ERCC3: variants seen among roughly 807,000 people sequenced by gnomAD.
ERCC3 encodes general transcription and DNA repair factor IIH helicase/translocase subunit XPB.
ERCC3 carries 66 observed loss-of-function variants against 94.2 expected under a neutral mutation model. That is an observed-to-expected ratio of 0.70 (90% CI 0.57 to 0.86). The LOEUF is 0.86. Ranked by LOEUF, ERCC3 falls within the 40% of genes least tolerant of loss-of-function variation. The pLI, the probability that ERCC3 is intolerant of heterozygous loss-of-function variation, is 0.00. For missense variants in ERCC3, 829 were observed against 987.1 expected (o/e 0.84, Z 2.15); for synonymous variants, 349 against 369.1 (o/e 0.95, Z 0.63).
rs1157880007 is a variant in ERCC3, at chr2:127,274,002, C to T, written c.1731-1041G>A. Among the ~76,000 whole-genome samples, 1 of 150,734 alleles carries T rather than the reference C, an allele frequency of 6.6e-6. No individual in the cohort carries two copies. Among genetic ancestry groups the T allele is most frequent in the Non-Finnish European group, 1.5e-5 (1 of 67,660 alleles). ...GGACCTACCAACACCAGGCATTGAG[C>T]TGAGTATTACATTAAAAAAAAAAAA... is the stretch of plus-strand genomic sequence containing the variant. On this transcript the variant is annotated intron_variant, in intron 10 of 14. Transcript: ENST00000285398. This position sits in a 1 kb window ranked among gnomAD's most constrained non-coding sequence, Gnocchi z 4.0.
Position 127,279,212 on chromosome 2 carries a change from T to A in ERCC3, c.1691A>T (p.Asn564Ile). 1 of 1,613,820 alleles carries A rather than the reference T, an allele frequency of 6.2e-7. No homozygotes were observed. The highest frequency in any genetic ancestry group is 8.5e-7 in the Non-Finnish European group (1 of 1,179,684). The change falls in exon 10 of 15, where the codon AAT becomes ATT. Residue 564 changes from asparagine (N) to isoleucine (I), a missense_variant. By Grantham distance (149) the Asn-to-Ile change is moderately radical. Transcript: ENST00000285398. This position sits in a 1 kb window ranked among gnomAD's most constrained non-coding sequence, Gnocchi z 4.7. ...RNDKIIVFAD[N>I]VFALKEYAIR... Reference sequence around the variant, plus strand: ...GGCATATTCCTTTAGGGCAAACACATTGTCAGCAAAGACAATAATCTTGTC... The same window carrying A: ...GGCATATTCCTTTAGGGCAAACACAATGTCAGCAAAGACAATAATCTTGTC...
intron 10 of ERCC3, among the ~76,000 whole-genome samples, chr2:127,273,324 A>G (rs1033223208): frequency 6.6e-6 from 1 of 152,198 alleles, no homozygotes; most frequent in South Asian, 2.1e-4. Flanking sequence ...GCTATTTCCA[A>G]AAAAAGGCTG....
chr2:127,268,421 G>C, intron 12 of ERCC3, among the ~76,000 whole-genome samples: 1 of 151,966 alleles, frequency 6.6e-6, no homozygotes, highest in African/African-American at 2.4e-5. Context: ...ACCACACCCA[G>C]CTAGCTAATT....
At chr2:127,275,231 T>A (rs1684696241) in intron 10 of ERCC3, among the ~76,000 whole-genome samples, 1 of 151,988 alleles carries the variant, frequency 6.6e-6, no homozygotes, top group Admixed American at 6.6e-5. Flanking sequence ...GGTCTCACTA[T>A]ATTGCCCAAG....
In ERCC3 at chr2:127,280,701, AT is replaced by A; in HGVS notation, c.1343-71del. On this transcript the variant is annotated intron_variant, in intron 8 of 14. Coordinates refer to ENST00000285398, the MANE Select transcript of ERCC3 (RefSeq NM_000122.2). The surrounding 1 kb of genome is among the most constrained non-coding windows in gnomAD (Gnocchi z 6.3). ...ATTTTTTATTTATTTATTTTAAAAT[AT>A]TTTTTGTAGAGATGGGGTCTCATTA... The A allele has an allele frequency of 7.2e-7, 1 of 1,394,086 alleles. No homozygotes were observed. Among genetic ancestry groups the A allele is most frequent in the South Asian group, 1.3e-5 (1 of 78,482 alleles). 86.4% of individuals were successfully genotyped at this position (1,394,086 alleles called of 1,614,324 possible).
At position 127,286,830 on chromosome 2, in the gene ERCC3, A is replaced by C. The variant is rs1464051611; in HGVS notation, c.1215T>G (p.Val405=). 1 of 1,614,238 alleles carries C rather than the reference A, an allele frequency of 6.2e-7. No homozygotes were observed. Among genetic ancestry groups the C allele is most frequent in the South Asian group, 1.1e-5 (1 of 91,088 alleles). The change falls in exon 8 of 15, where the codon GTT becomes GTG. Residue 405 remains valine, a synonymous_variant. Coordinates refer to ENST00000285398, the MANE Select transcript of ERCC3 (RefSeq NM_000122.2). Reference sequence around the variant, plus strand: ...CCAGCATGGAGTAGGTGCTAATGGCAACGGAGCAGCCGATGGGCTTGTCCT... The same window carrying C: ...CCAGCATGGAGTAGGTGCTAATGGCCACGGAGCAGCCGATGGGCTTGTCCT... ...DAKDKPIGCS[V]AISTYSMLGH...
intron 3 of ERCC3, 95 bp from the exon 4 acceptor site, chr2:127,290,368 AGT>A: frequency 1.9e-6 from 2 of 1,079,972 alleles, no homozygotes; most frequent in Non-Finnish European, 2.9e-6. Flanking sequence ...CCAAGTGAAA[AGT>A]TCATTTTACT....
At chr2:127,263,050 G>A (rs1684243942) in intron 12 of ERCC3, among the ~76,000 whole-genome samples, 1 of 152,154 alleles carries the variant, frequency 6.6e-6, no homozygotes, top group South Asian at 2.1e-4. Context: ...ATGCTGTTTT[G>A]GTTACTGTAA....
At chr2:127,269,549 G>C (rs980415792) in intron 12 of ERCC3, among the ~76,000 whole-genome samples, 1 of 150,616 alleles carries the variant, frequency 6.6e-6, no homozygotes, top group Non-Finnish European at 1.5e-5. Context: ...AGCCTCCCGA[G>C]TAGCTGGGAC....
chr2:127,288,663 AG>A lies in ERCC3; in HGVS notation c.1023del (p.Cys342AlafsTer10), dbSNP rs746642182. 1.2e-6 allele frequency: 2 copies of A among 1,613,822 alleles called. No homozygotes were observed. The highest frequency in any genetic ancestry group is 1.7e-6 in the Non-Finnish European group (2 of 1,179,702). On this transcript the variant is annotated frameshift_variant, in exon 7 of 15. Transcript: ENST00000285398. LOFTEE classifies it high-confidence loss of function. ...TCTTAACTCTGGTACCACTTACCGCAGGGAAGAACAATGACCCCCGAACGTG... is the reference window on the plus strand; with the variant it reads ...TCTTAACTCTGGTACCACTTACCGCAGGAAGAACAATGACCCCCGAACGTG... ...GRARSGVIVL[P>X]CGAGKSLVGV...
At chr2:127,293,414 G>T in intron 2 of ERCC3, 99 bp downstream of exon 2, 1 of 1,097,752 alleles carries the variant, frequency 9.1e-7, no homozygotes. Context: ...CAGTTCTAGG[G>T]GCAGTATCCT....
At chr2:127,289,856 G>T (rs1685206597) in intron 4 of ERCC3, 32 bp from the exon 5 acceptor site, 1 of 1,613,270 alleles carries the variant, frequency 6.2e-7, no homozygotes, top group Admixed American at 1.7e-5. Flanking sequence ...GGGGTCTACT[G>T]ACCAGCAGGT....
rs771245959 is a variant in ERCC3, at chr2:127,257,651, C to T, written c.2294G>A (p.Arg765Gln). Residue 765 changes from arginine (R) to glutamine (Q), a missense_variant, in exon 15 of 15, where the codon CGG becomes CAG. Physicochemically the swap from Arg to Gln is conservative, Grantham distance 43 (BLOSUM62 1). Transcript: ENST00000285398. The surrounding 1 kb of genome is among the most constrained non-coding windows in gnomAD (Gnocchi z 5.4). ...TACATGTTTGCTGGGCGCCTTGCTCCGCGATGAGTGGTACTCCATGTACAC... is the reference window on the plus strand; with the variant it reads ...TACATGTTTGCTGGGCGCCTTGCTCTGCGATGAGTGGTACTCCATGTACAC... ...DTVYMEYHSS[R>Q]SKAPSKHVHP... is the part of the protein sequence containing the mutation. 4 of 1,614,016 alleles carry T rather than the reference C, an allele frequency of 2.5e-6. No homozygotes were observed. Among genetic ancestry groups the T allele is most frequent in the Admixed American group, 1.7e-5 (1 of 59,996 alleles).
At chr2:127,261,064 CT>C in intron 13 of ERCC3, 163 bp downstream of exon 13, 1 of 670,006 alleles carries the variant, frequency 1.5e-6, no homozygotes, top group South Asian at 1.6e-5. Flanking sequence ...CCACCAACAG[CT>C]GCCCTCAGAG....
intron 12 of ERCC3, chr2:127,261,603 G>C: frequency 2.2e-6 from 1 of 454,032 alleles, no homozygotes; most frequent in Non-Finnish European, 4.1e-6. Context: ...TTGTATCTAG[G>C]TTATACAAAG....
At position 127,279,636 on chromosome 2, in the gene ERCC3, T is replaced by C. The variant is rs1253987152; in HGVS notation, c.1528-261A>G. On this transcript the variant is annotated intron_variant, in intron 9 of 14. Coordinates refer to ENST00000285398, the MANE Select transcript of ERCC3 (RefSeq NM_000122.2). This position sits in a 1 kb window ranked among gnomAD's most constrained non-coding sequence, Gnocchi z 4.7. ...AATTAGCTGGGTGTGGTAGTGCATG[T>C]CTGTAATTCCAGCTACGCAGGAGGC... 6.6e-6 allele frequency among the ~76,000 whole-genome samples: 1 copy of C among 151,998 alleles called. No individual in the cohort carries two copies. Among genetic ancestry groups the C allele is most frequent in the African/African-American group, 2.4e-5 (1 of 41,386 alleles).
intron 3 of ERCC3, chr2:127,292,191 C>G: frequency 1.5e-5 from 5 of 325,400 alleles, no homozygotes; most frequent in South Asian, 1.3e-4. Context: ...TTTCTTACTC[C>G]AAATACATTA....
Position 127,280,609 on chromosome 2 carries a change from G to A in ERCC3, c.1365C>T (p.Leu455=), listed in dbSNP as rs781680348. 3.1e-6 allele frequency: 5 copies of A among 1,614,042 alleles called. No homozygotes were observed. Among genetic ancestry groups the A allele is most frequent in the African/African-American group, 1.3e-5 (1 of 74,950 alleles). ...GCTTACAGTGGGCCTGCACGATGGTGAGCACCCTTCGGAACATCTTGGCTG... is the reference window on the plus strand; with the variant it reads ...GCTTACAGTGGGCCTGCACGATGGTAAGCACCCTTCGGAACATCTTGGCTG... ...TIPAKMFRRV[L]TIVQAHCKLG... The change falls in exon 9 of 15, where the codon CTC becomes CTT. Residue 455 remains leucine (L), a synonymous_variant. Transcript: ENST00000285398. The surrounding 1 kb of genome is among the most constrained non-coding windows in gnomAD (Gnocchi z 6.3).
At chr2:127,263,462 T>C (rs1684255065) in intron 12 of ERCC3, among the ~76,000 whole-genome samples, 1 of 152,218 alleles carries the variant, frequency 6.6e-6, no homozygotes, top group African/African-American at 2.4e-5. Flanking sequence ...CTGATTTTTG[T>C]ACATTGATTT....
Sources: allele counts gnomAD v4.1 joint callset (sites outside exome capture counted in the v4.1 genomes callset), GRCh38; gene constraint gnomAD v4.1.1; non-coding constraint Gnocchi (gnomAD v3.1); transcripts MANE v1.5; gene names NCBI Gene and HGNC (gene_info 2026-07-23, HGNC 2026-07-21).